CHSY3: variants seen among roughly 807,000 people sequenced by gnomAD.
CHSY3 encodes chondroitin sulfate synthase 3.
In CHSY3, 35 loss-of-function variants were observed where a neutral mutation model predicts 67.2. The ratio of observed to expected loss-of-function variants is 0.52; its 90% CI spans 0.40 to 0.69. The LOEUF is 0.69. CHSY3 is among the 30% of genes least tolerant of loss of function. The probability of loss-of-function intolerance (pLI) is 0.00; values close to 1 mark genes in which losing one functional copy is unlikely to be tolerated. For missense variants in CHSY3, 1,069 were observed against 1,138.5 expected (o/e 0.94, Z 0.88); for synonymous variants, 474 against 434.7 (o/e 1.09, Z -1.12).
intron 2 of CHSY3, among the ~76,000 whole-genome samples, chr5:129,955,099 C>T (rs898098531): frequency 1.3e-5 from 2 of 152,092 alleles, no homozygotes; most frequent in Admixed American, 6.6e-5. Flanking sequence ...AGTCTCCTGA[C>T]CTTGTGATCT....
At chr5:130,153,682 G>C (rs1769293237) in intron 2 of CHSY3, among the ~76,000 whole-genome samples, 1 of 152,128 alleles carries the variant, frequency 6.6e-6, no homozygotes, top group South Asian at 2.1e-4. Context: ...TGATCATCGT[G>C]GAGCCCCCAT....
rs1456688533 is a variant in CHSY3 at position 129,905,177 on chromosome 5, C to G, written c.348C>G (p.Arg116=). The change falls in exon 1 of 3, where the codon CGC becomes CGG. Residue 116 remains arginine (R), a synonymous_variant. Coordinates refer to ENST00000305031, the MANE Select transcript of CHSY3 (RefSeq NM_175856.5). The stretch of plus-strand genomic sequence containing the variant: ...CGCTGCAGCAGCGGCGGCGAGGACG[C>G]GAGCCTGAGGGCGCGACGGGGCTTC... The part of the protein sequence containing the change: ...PPPLQQRRRG[R]EPEGATGLPG... 6.2e-5 allele frequency: 95 copies of G among 1,523,628 alleles called. No homozygotes were observed. The highest frequency in any genetic ancestry group is 8.3e-5 in the Non-Finnish European group (95 of 1,142,064). The allele number at this position is 1,523,628 out of a possible 1,614,324, so 94.4% of individuals were successfully genotyped here.
intron 2 of CHSY3, among the ~76,000 whole-genome samples, chr5:129,919,113 CAAAAAA>C (rs35333880): frequency 1.4e-5 from 1 of 73,422 alleles, no homozygotes; most frequent in Non-Finnish European, 2.4e-5. Context: ...GACTCCGTCT[CAAAAAA>C]AAAAAAAAAA....
chr5:129,967,618 A>G (rs1247642079), intron 2 of CHSY3, among the ~76,000 whole-genome samples: 8 of 151,852 alleles, frequency 5.3e-5, no homozygotes, highest in Admixed American at 1.3e-4. Flanking sequence ...TTAAGACTGA[A>G]TTGCAGTACA....
In CHSY3 at chr5:129,904,794, A is replaced by G. The variant is rs999930350; in HGVS notation, c.-36A>G. On this transcript the variant is annotated 5_prime_UTR_variant, in exon 1 of 3. Transcript: ENST00000305031. ...CGGGGAAACCGCGTGCCGCGCCGCG[A>G]CAGCCCAGCGAGCGTCCGCGCCCGG... is the stretch of plus-strand genomic sequence containing the variant. 14 of 1,319,532 alleles carry G rather than the reference A, an allele frequency of 1.1e-5. No homozygotes were observed. The highest frequency in any genetic ancestry group is 1.4e-5 in the Non-Finnish European group (14 of 1,034,954). The allele number at this position is 1,319,532 out of a possible 1,614,324, so 81.7% of individuals were successfully genotyped here.
At chr5:130,110,481 C>G (rs1258097245) in intron 2 of CHSY3, among the ~76,000 whole-genome samples, 1 of 151,918 alleles carries the variant, frequency 6.6e-6, no homozygotes, top group East Asian at 1.9e-4. Context: ...TGACATTTCT[C>G]AAAGGAGAGC....
intron 2 of CHSY3, among the ~76,000 whole-genome samples, chr5:130,173,109 T>G (rs895387949): frequency 5.9e-5 from 9 of 152,110 alleles, no homozygotes; most frequent in African/African-American, 2.2e-4. Context: ...TCTTTCAAAT[T>G]CAAATGTATT....
intron 2 of CHSY3, among the ~76,000 whole-genome samples, chr5:130,007,764 C>T (rs1479498328): frequency 6.6e-6 from 1 of 152,118 alleles, no homozygotes; most frequent in African/African-American, 2.4e-5. Flanking sequence ...CTCTGGGTGG[C>T]TTTGGTCTTT....
intron 2 of CHSY3, among the ~76,000 whole-genome samples, chr5:130,122,907 A>C (rs1275887311): frequency 6.6e-6 from 1 of 152,174 alleles, no homozygotes; most frequent in African/African-American, 2.4e-5. Flanking sequence ...GTTTGCTCTC[A>C]CTTCAGTTGT....
intron 2 of CHSY3, among the ~76,000 whole-genome samples, chr5:130,014,006 A>C (rs541202212): frequency 2.0e-5 from 3 of 152,190 alleles, no homozygotes; most frequent in Non-Finnish European, 4.4e-5. Context: ...AAAGTTCCAC[A>C]TATCCCTAAA....
chr5:130,040,638 G>T (rs1017960755), intron 2 of CHSY3, among the ~76,000 whole-genome samples: 1 of 151,994 alleles, frequency 6.6e-6, no homozygotes, highest in Non-Finnish European at 1.5e-5. Context: ...AACTATAGTC[G>T]TGGAAATCAG....
chr5:129,904,715 G>A lies in CHSY3; in HGVS notation c.-115G>A. ...TCCAGCCGGTGTCGGCGCCTAGGCG[G>A]CCGGCTGCGGCCGCGGCTGGGGGCG... On this transcript the variant is annotated 5_prime_UTR_variant, in exon 1 of 3. Coordinates refer to ENST00000305031, the MANE Select transcript of CHSY3 (RefSeq NM_175856.5). The A allele has an allele frequency of 1.6e-6, 2 of 1,222,300 alleles. No homozygotes were observed. The highest frequency in any genetic ancestry group is 1.0e-6 in the Non-Finnish European group (1 of 981,980). 75.7% of individuals were successfully genotyped at this position (1,222,300 alleles called of 1,614,324 possible). A position where few individuals can be genotyped will look rare whatever the true frequency, so the allele number is the denominator to read the frequency against.
chr5:130,046,105 T>C lies in CHSY3; in HGVS notation c.1086+137745T>C, dbSNP rs373145440. On this transcript the variant is annotated intron_variant, in intron 2 of 2. Transcript: ENST00000305031. ...TATACCCACGTCTTGAAAACTACCA[T>C]ATTAAAGGGAAAAAGTACCGGCTCG... Among the ~76,000 whole-genome samples the C allele has an allele frequency of 3.0e-4, 46 of 152,226 alleles. No individual in the cohort carries two copies. The East Asian group carries it at 6.0e-3, about 20-fold the overall frequency.
intron 2 of CHSY3, among the ~76,000 whole-genome samples, chr5:129,968,915 G>C (rs1162971081): frequency 6.6e-6 from 1 of 151,790 alleles, no homozygotes; most frequent in Non-Finnish European, 1.5e-5. Context: ...AGAATCTATA[G>C]AAGTGGAGCC....
Position 129,940,495 on chromosome 5 carries a change from G to A in CHSY3, c.1086+32135G>A, listed in dbSNP as rs1761663562. Among the ~76,000 whole-genome samples the A allele has an allele frequency of 1.3e-5, 2 of 151,916 alleles. 1 individual carries two copies. The highest frequency in any genetic ancestry group is 1.3e-4 in the Admixed American group (2 of 15,256). On this transcript the variant is annotated intron_variant, in intron 2 of 2. Transcript: ENST00000305031. Reference sequence around the variant, plus strand: ...ATGCTATGTTAACCTTTAAAAGATAGGCTGAGAACAAATCTACACATTAGT... The same window carrying A: ...ATGCTATGTTAACCTTTAAAAGATAAGCTGAGAACAAATCTACACATTAGT...
intron 2 of CHSY3, among the ~76,000 whole-genome samples, chr5:130,116,778 T>C (rs1282737478): frequency 2.0e-5 from 3 of 151,896 alleles, no homozygotes; most frequent in African/African-American, 7.3e-5. Context: ...ATTGTGGCTC[T>C]CCAAGCCAAG....
chr5:130,026,553 A>G (rs1304738953), intron 2 of CHSY3, among the ~76,000 whole-genome samples: 2 of 152,146 alleles, frequency 1.3e-5, no homozygotes, highest in Non-Finnish European at 2.9e-5. Context: ...TGATGTAAAT[A>G]TATTTTGCCT....
In CHSY3 at chr5:129,979,127, G is replaced by A. The variant is rs1323255115; in HGVS notation, c.1086+70767G>A. Among the ~76,000 whole-genome samples the A allele has an allele frequency of 4.0e-5, 6 of 149,938 alleles. No homozygotes were observed. The East Asian group carries it at 1.2e-3, about 30-fold the overall frequency. ...AGGCAGGAGAATAGCGTGAACCTGG[G>A]AGGCAGAGCTTGCAGTGAGCAGAGA... On this transcript the variant is annotated intron_variant, in intron 2 of 2. Transcript: ENST00000305031.
chr5:130,128,228 T>C (rs1258552261), intron 2 of CHSY3, among the ~76,000 whole-genome samples: 1 of 90,962 alleles, frequency 1.1e-5, no homozygotes, highest in Non-Finnish European at 2.1e-5. Context: ...GAAGAAAATG[T>C]GGTGTGTGTG....
Sources: allele counts gnomAD v4.1 joint callset (sites outside exome capture counted in the v4.1 genomes callset), GRCh38; gene constraint gnomAD v4.1.1; transcripts MANE v1.5; gene names NCBI Gene and HGNC (gene_info 2026-07-23, HGNC 2026-07-21).